Variants in ESRRG observed in about 807,000 individuals in gnomAD.
ESRRG encodes estrogen-related receptor gamma.
Under a neutral mutation model 44.0 loss-of-function variants are expected in ESRRG, and 13 were observed. That is an observed-to-expected ratio of 0.30 (90% CI 0.19 to 0.47). The LOEUF (loss-of-function observed/expected upper bound fraction) is 0.47, where lower values mean the gene tolerates loss of function less well. ESRRG is among the 20% of genes least tolerant of loss of function. ESRRG has a pLI of 1.00. For synonymous variants in ESRRG, 215 were observed against 214.6 expected (o/e 1.00, Z -0.02); for missense variants, 395 against 580.6 (o/e 0.68, Z 3.29).
chr1:216,543,752 TTTTA>T (rs912210484), intron 5 of ESRRG, among the ~76,000 whole-genome samples: 2 of 152,022 alleles, frequency 1.3e-5, no homozygotes, highest in African/African-American at 4.8e-5. Flanking sequence ...CTTTGCAGGA[TTTTA>T]TTTATGTTTA....
chr1:216,624,279 T>C (rs945785536), intron 3 of ESRRG, among the ~76,000 whole-genome samples: 1 of 152,182 alleles, frequency 6.6e-6, no homozygotes, highest in Admixed American at 6.5e-5. Flanking sequence ...TGTTCAATTA[T>C]CATTGCAAAG....
intron 2 of ESRRG, among the ~76,000 whole-genome samples, chr1:216,806,035 G>A (rs2094782011): frequency 6.6e-6 from 1 of 152,164 alleles, no homozygotes; most frequent in Admixed American, 6.5e-5. Context: ...ATAATTGAAA[G>A]CCAGTATATA....
At chr1:216,779,458 A>ATT (rs1338175755) in intron 2 of ESRRG, among the ~76,000 whole-genome samples, 29 of 74,586 alleles carry the variant, frequency 3.9e-4, no homozygotes, top group African/African-American at 1.3e-3. Flanking sequence ...TTATAAATAT[A>ATT]AATATAAATA....
intron 3 of ESRRG, among the ~76,000 whole-genome samples, chr1:216,589,923 AAAAG>A (rs1233039782): frequency 6.7e-6 from 1 of 150,200 alleles, no homozygotes; most frequent in Non-Finnish European, 1.5e-5. Context: ...AAAAAAAAAA[AAAAG>A]AGGTGAGGTT....
At chr1:216,881,533 A>G (rs2096447722) in intron 2 of ESRRG, among the ~76,000 whole-genome samples, 1 of 152,104 alleles carries the variant, frequency 6.6e-6, no homozygotes, top group African/African-American at 2.4e-5. Context: ...GCTATACGAA[A>G]GGAGGAGTAA....
intron 1 of ESRRG, among the ~76,000 whole-genome samples, chr1:217,119,298 C>T (rs1387776361): frequency 6.6e-6 from 1 of 152,112 alleles, no homozygotes; most frequent in Non-Finnish European, 1.5e-5. Context: ...CTGTTTGTGT[C>T]GTTATGACTA....
At chr1:216,973,278 A>AC (rs1159971347) in intron 1 of ESRRG, among the ~76,000 whole-genome samples, 1 of 151,978 alleles carries the variant, frequency 6.6e-6, no homozygotes, top group Non-Finnish European at 1.5e-5. Flanking sequence ...ACCCTGCAGT[A>AC]CTCCTGTTTC....
intron 5 of ESRRG, among the ~76,000 whole-genome samples, chr1:216,555,059 A>G (rs77291507): frequency 0.077 from 11,657 of 152,160 alleles, 484 homozygotes; most frequent in Middle Eastern, 0.14. Flanking sequence ...CACCAGCACC[A>G]TTGCCTTTCA....
At chr1:216,523,874 A>G (rs961969848) in intron 5 of ESRRG, among the ~76,000 whole-genome samples, 1 of 151,962 alleles carries the variant, frequency 6.6e-6, no homozygotes, top group Admixed American at 6.6e-5. Flanking sequence ...ACATTTTTCA[A>G]CAACTAGCAT....
At chr1:216,981,586 A>G (rs922154972) in intron 1 of ESRRG, among the ~76,000 whole-genome samples, 1 of 152,210 alleles carries the variant, frequency 6.6e-6, no homozygotes, top group Non-Finnish European at 1.5e-5. Context: ...TATACATATA[A>G]GAGACAACAA....
intron 2 of ESRRG, among the ~76,000 whole-genome samples, chr1:216,921,483 T>C (rs560843222): frequency 5.3e-5 from 8 of 152,282 alleles, no homozygotes; most frequent in Admixed American, 6.5e-5. Flanking sequence ...TCCTACGAAC[T>C]TGACCTCTTA....
chr1:216,713,265 T>C (rs768860481), intron 1 of ESRRG, among the ~76,000 whole-genome samples: 27 of 152,216 alleles, frequency 1.8e-4, no homozygotes, highest in Non-Finnish European at 3.5e-4. Context: ...ATCTCTTTTT[T>C]CAAAGGGAGG....
intron 5 of ESRRG, among the ~76,000 whole-genome samples, chr1:216,555,526 T>A (rs1481934308): frequency 8.2e-6 from 1 of 121,750 alleles, no homozygotes; most frequent in Non-Finnish European, 1.9e-5. Context: ...GTAATACAGG[T>A]GCCCTCTTTA....
chr1:216,511,625 A>G (rs566647477), intron 6 of ESRRG, among the ~76,000 whole-genome samples: 155 of 151,646 alleles, frequency 1.0e-3, no homozygotes, highest in African/African-American at 3.7e-3. Context: ...TTATGTAGGC[A>G]GATGATGTTG....
At chr1:216,750,356 T>C (rs1185565071) in intron 2 of ESRRG, among the ~76,000 whole-genome samples, 1 of 152,164 alleles carries the variant, frequency 6.6e-6, no homozygotes, top group South Asian at 2.1e-4. Flanking sequence ...CTAAGAAAGC[T>C]ACCTCTTTTC....
Position 216,677,203 on chromosome 1 carries a change from C to T in ESRRG, c.345G>A (p.Lys115=). Residue 115 remains lysine, a synonymous_variant, in exon 2 of 7, where the codon AAG becomes AAA. Transcript: ENST00000408911. ...GCATCGAGTTGAGCATGTATTCACA[C>T]TTGGTCTGGGGATCTTCAACAATGG... The part of the protein sequence containing the change: ...SSTIVEDPQT[K]CEYMLNSMPK... The T allele has an allele frequency of 3.7e-6, 6 of 1,614,178 alleles. No homozygotes were observed. The highest frequency in any genetic ancestry group is 5.1e-6 in the Non-Finnish European group (6 of 1,180,028).
chr1:216,608,982 T>A (rs1443501218), intron 3 of ESRRG, among the ~76,000 whole-genome samples: 1 of 152,232 alleles, frequency 6.6e-6, no homozygotes, highest in Non-Finnish European at 1.5e-5. Context: ...CCAGTACCTA[T>A]GAGCATCTTT....
chr1:216,611,501 C>A (rs2060662729), intron 3 of ESRRG, among the ~76,000 whole-genome samples: 1 of 152,126 alleles, frequency 6.6e-6, no homozygotes, highest in African/African-American at 2.4e-5. Flanking sequence ...TGCACTCAGA[C>A]ACACATAGGA....
At chr1:217,087,251 C>G (rs2092136411) in intron 1 of ESRRG, among the ~76,000 whole-genome samples, 1 of 152,168 alleles carries the variant, frequency 6.6e-6, no homozygotes, top group African/African-American at 2.4e-5. Flanking sequence ...GCAACACTTT[C>G]CTAGGAGCCC....
Sources: gnomAD v4.1 joint callset for allele counts (sites outside exome capture counted in the v4.1 genomes callset) on GRCh38, gnomAD v4.1.1 for gene constraint, MANE v1.5 for transcripts, NCBI Gene and HGNC (gene_info 2026-07-23, HGNC 2026-07-21) for gene names.